Variants in SLC26A5 observed in about 807,000 individuals in gnomAD.
SLC26A5 encodes prestin.
In SLC26A5, 51 loss-of-function variants were observed where a neutral mutation model predicts 81.0. The ratio of observed to expected loss-of-function variants is 0.63; its 90% CI spans 0.50 to 0.80. SLC26A5 has a LOEUF of 0.80. Ranked by LOEUF, SLC26A5 falls within the 30% of genes least tolerant of loss-of-function variation. The pLI, the probability that SLC26A5 is intolerant of heterozygous loss-of-function variation, is 0.00. For missense variants in SLC26A5, 771 were observed against 905.8 expected (o/e 0.85, Z 1.91); for synonymous variants, 325 against 332.8 (o/e 0.98, Z 0.25).
chr7:103,381,043 A>C (rs1266757458), intron 14 of SLC26A5, among the ~76,000 whole-genome samples: 1 of 151,266 alleles, frequency 6.6e-6, no homozygotes, highest in Non-Finnish European at 1.5e-5. Context: ...CCATACATAC[A>C]TACCTCATAT....
In SLC26A5 at chr7:103,374,241, G is replaced by A. The variant is rs1039805466; in HGVS notation, c.*158C>T. ...GAAGTATTCAATTAAAAAAACACAA[G>A]TACAATACATCTTGCTAGGCGTCAT... On this transcript the variant is annotated 3_prime_UTR_variant, in exon 20 of 20. Transcript: ENST00000306312. The A allele has an allele frequency of 4.1e-6, 6 of 1,445,920 alleles. No individual in the cohort carries two copies. The East Asian group carries it at 7.5e-5, about 18-fold the overall frequency. The allele number at this position is 1,445,920 out of a possible 1,614,324, so 89.6% of individuals were successfully genotyped here.
chr7:103,413,095 G>A lies in SLC26A5; in HGVS notation c.310C>T (p.Leu104=). 1.9e-6 allele frequency: 3 copies of A among 1,613,248 alleles called. No individual in the cohort carries two copies. The highest frequency in any genetic ancestry group is 2.5e-6 in the Non-Finnish European group (3 of 1,179,318). ...CCAAATATTGGAGGCACAGCTGCCAGCATTGCAAAGGCTAAGCCTGTGGGA... is the reference window on the plus strand; with the variant it reads ...CCAAATATTGGAGGCACAGCTGCCAACATTGCAAAGGCTAAGCCTGTGGGA... ...QLPQGLAFAM[L]AAVPPIFGLY... Residue 104 remains leucine, a synonymous_variant, in exon 5 of 20, where the codon CTG becomes TTG. Coordinates refer to ENST00000306312, the MANE Select transcript of SLC26A5 (RefSeq NM_198999.3).
intron 19 of SLC26A5, chr7:103,361,873 C>T: frequency 1.5e-6 from 2 of 1,351,960 alleles, no homozygotes; most frequent in African/African-American, 2.9e-5. Flanking sequence ...CTGTATATTG[C>T]ACACTCAGGA....
Position 103,438,389 on chromosome 7 carries a change from CTTTTT to C in SLC26A5, c.-54+4689_-54+4693del, listed in dbSNP as rs979524403. 1.8e-4 allele frequency among the ~76,000 whole-genome samples: 26 copies of C among 143,006 alleles called. No homozygotes were observed. In the East Asian group the frequency reaches 5.0e-3, roughly 28 times the overall value. 93.8% of individuals were successfully genotyped at this position (143,006 alleles called of 152,430 possible). The stretch of plus-strand genomic sequence containing the variant: ...ATTTCTTTATATTGAGATTTCTTTT[CTTTTT>C]TTTTTTTTGAGATGGAGTCTCGCTC... On this transcript the variant is annotated intron_variant, in intron 2 of 19. Transcript: ENST00000306312.
chr7:103,363,522 G>A, intron 19 of SLC26A5: 1 of 1,214,562 alleles, frequency 8.2e-7, no homozygotes, highest in South Asian at 1.3e-5. Flanking sequence ...TTGTATATTA[G>A]ATGGCTTTTA....
chr7:103,435,877 A>C (rs1826415012), intron 2 of SLC26A5, among the ~76,000 whole-genome samples: 1 of 152,100 alleles, frequency 6.6e-6, no homozygotes, highest in Non-Finnish European at 1.5e-5. Context: ...ATTTTAATGG[A>C]GTTTTAGGAT....
At position 103,446,188 on chromosome 7, in the gene SLC26A5, G is replaced by T. The variant is rs1373584361; in HGVS notation, c.-273C>A. 1 of 151,322 alleles carries T rather than the reference G, an allele frequency of 6.6e-6. No individual in the cohort carries two copies. The highest frequency in any genetic ancestry group is 1.5e-5 in the Non-Finnish European group (1 of 67,780). The allele number at this position is 151,322 out of a possible 1,614,324, so 9.4% of individuals were successfully genotyped here. A position where few individuals can be genotyped will look rare whatever the true frequency, so the allele number is the denominator to read the frequency against. ...GCGCTGCCTCCAGGTGCGGCTCTAG[G>T]AGGAGGCGCCGCGGGCAGTGCCGGC... On this transcript the variant is annotated 5_prime_UTR_variant, in exon 1 of 20. Coordinates refer to ENST00000306312, the MANE Select transcript of SLC26A5 (RefSeq NM_198999.3).
At chr7:103,371,519 G>A (rs1371105207), downstream of SLC26A5, among the ~76,000 whole-genome samples, 1 of 151,138 alleles carries the variant, frequency 6.6e-6, no homozygotes, top group Non-Finnish European at 1.5e-5. Context: ...CAGAGACGGG[G>A]TTTCACCATG....
At chr7:103,357,542 G>C (rs904097032) in intron 19 of SLC26A5, among the ~76,000 whole-genome samples, 15 of 151,958 alleles carry the variant, frequency 9.9e-5, no homozygotes, top group Admixed American at 3.3e-4. Context: ...TTTCCATCAT[G>C]GAAGATGAGG....
intron 4 of SLC26A5, 30 bp downstream of exon 4, chr7:103,420,708 A>T (rs1181022201): frequency 1.2e-6 from 2 of 1,613,330 alleles, no homozygotes; most frequent in African/African-American, 2.7e-5. Context: ...TGAGGACAGC[A>T]AGGGGGGAAA....
At chr7:103,372,317 T>C (rs533102884), downstream of SLC26A5, among the ~76,000 whole-genome samples, 1 of 152,226 alleles carries the variant, frequency 6.6e-6, no homozygotes, top group Admixed American at 6.5e-5. Flanking sequence ...TGGTTGCAAG[T>C]AGGCCATGCT....
rs552659752 is a variant in SLC26A5, at chr7:103,409,898, C to CG, written c.735+486dup. Among the ~76,000 whole-genome samples the CG allele has an allele frequency of 4.6e-5, 7 of 152,090 alleles. No individual in the cohort carries two copies. The East Asian group carries it at 1.2e-3, about 25-fold the overall frequency. On this transcript the variant is annotated intron_variant, in intron 7 of 19. Transcript: ENST00000306312. ...AATTTTTTTCTATTTTTAGTAGAGA[C>CG]GGGGTTTCACTTGTTAGCCAGGATA... is the stretch of plus-strand genomic sequence containing the variant.
At chr7:103,371,347 C>T (rs1164519606), downstream of SLC26A5, among the ~76,000 whole-genome samples, 4 of 144,088 alleles carry the variant, frequency 2.8e-5, no homozygotes, top group Non-Finnish European at 6.0e-5. Context: ...TTTTTTGAGA[C>T]GGAGTCTCGC....
intron 4 of SLC26A5, among the ~76,000 whole-genome samples, chr7:103,419,213 G>C (rs1180210981): frequency 6.6e-6 from 1 of 152,096 alleles, no homozygotes; most frequent in African/African-American, 2.4e-5. Flanking sequence ...CCAAGTCTCA[G>C]GTATGTCTTT....
intron 9 of SLC26A5, among the ~76,000 whole-genome samples, chr7:103,394,987 TC>T (rs1382005313): frequency 6.6e-6 from 1 of 152,196 alleles, no homozygotes; most frequent in Non-Finnish European, 1.5e-5. Flanking sequence ...CCTCACCTGT[TC>T]CAGTGACTCC....
At chr7:103,442,847 A>C (rs747006942) in intron 2 of SLC26A5, among the ~76,000 whole-genome samples, 42 of 152,236 alleles carry the variant, frequency 2.8e-4, no homozygotes, top group Non-Finnish European at 4.4e-5. Context: ...CCACTCAAGA[A>C]TACTGTAAGT....
intron 2 of SLC26A5, among the ~76,000 whole-genome samples, chr7:103,424,434 G>A (rs899091875): frequency 1.4e-4 from 21 of 152,190 alleles, no homozygotes; most frequent in African/African-American, 4.8e-4. Flanking sequence ...CAGTAACTGG[G>A]AGGTGAATGA....
chr7:103,419,738 A>G (rs956604516), intron 4 of SLC26A5, among the ~76,000 whole-genome samples: 1 of 151,976 alleles, frequency 6.6e-6, no homozygotes, highest in African/African-American at 2.4e-5. Flanking sequence ...GGGTTTCACC[A>G]TGTTGGCCAG....
At chr7:103,376,608 G>C (rs1821369397) in intron 19 of SLC26A5, among the ~76,000 whole-genome samples, 200 bp downstream of exon 19, 1 of 152,124 alleles carries the variant, frequency 6.6e-6, no homozygotes, top group Non-Finnish European at 1.5e-5. Context: ...CTCCAGTTCA[G>C]GAGGGTTGTC....
Sources: gnomAD v4.1 joint callset for allele counts (sites outside exome capture counted in the v4.1 genomes callset) on GRCh38, gnomAD v4.1.1 for gene constraint, MANE v1.5 for transcripts, NCBI Gene and HGNC (gene_info 2026-07-23, HGNC 2026-07-21) for gene names.